The following AFF3 variants were observed in gnomAD, a reference collection of about 807,000 sequenced individuals.
AFF3 encodes ALF transcription elongation factor 3.
AFF3 carries 32 observed loss-of-function variants against 129.7 expected under a neutral mutation model. The ratio of observed to expected loss-of-function variants is 0.25; its 90% CI spans 0.19 to 0.33. The LOEUF is 0.33. Among genes scored for constraint, AFF3 ranks in the 10% least tolerant of loss-of-function variants. The probability of loss-of-function intolerance (pLI) is 1.00; values close to 1 mark genes in which losing one functional copy is unlikely to be tolerated. For missense variants in AFF3, 1,373 were observed against 1,592.0 expected (o/e 0.86, Z 2.34); for synonymous variants, 644 against 635.4 (o/e 1.01, Z -0.20).
chr2:99,727,175 C>G (rs1236420766), intron 10 of AFF3, 47 bp from the exon 11 acceptor site: 2 of 1,519,784 alleles, frequency 1.3e-6, no homozygotes, highest in Admixed American at 3.8e-5. Context: ...GTCTTACAGT[C>G]TTTAAGATTT....
chr2:99,668,896 A>G (rs1282599486), intron 12 of AFF3, among the ~76,000 whole-genome samples: 1 of 152,164 alleles, frequency 6.6e-6, no homozygotes, highest in Non-Finnish European at 1.5e-5. Context: ...TCTTTTTGAG[A>G]AAAGGGCAGG....
chr2:99,810,095 C>G (rs965428474), intron 8 of AFF3, among the ~76,000 whole-genome samples: 1 of 152,204 alleles, frequency 6.6e-6, no homozygotes, highest in African/African-American at 2.4e-5. Context: ...TCAGGAATTT[C>G]AAAGTCTTCC....
intron 7 of AFF3, among the ~76,000 whole-genome samples, chr2:99,947,847 C>A (rs776984470): frequency 1.3e-5 from 2 of 151,984 alleles, no homozygotes. Context: ...AAGCATGGCA[C>A]GGGGGCCATG....
chr2:99,826,551 G>T (rs988705266), intron 8 of AFF3, among the ~76,000 whole-genome samples: 1 of 152,122 alleles, frequency 6.6e-6, no homozygotes, highest in South Asian at 2.1e-4. Context: ...TGCAGGAGTC[G>T]GTCAGCTAAA....
At chr2:99,712,922 C>T (rs183915597) in intron 11 of AFF3, among the ~76,000 whole-genome samples, 37 of 152,350 alleles carry the variant, frequency 2.4e-4, no homozygotes, top group Admixed American at 8.5e-4. Context: ...GAAGAAAATT[C>T]TGACACATGC....
intron 10 of AFF3, among the ~76,000 whole-genome samples, chr2:99,742,110 C>G (rs1188207674): frequency 6.6e-6 from 1 of 152,098 alleles, no homozygotes; most frequent in Non-Finnish European, 1.5e-5. Context: ...AATCTCAGCA[C>G]TTTTGGAGGC....
At chr2:99,809,320 G>C (rs1308289427) in intron 8 of AFF3, among the ~76,000 whole-genome samples, 1 of 152,224 alleles carries the variant, frequency 6.6e-6, no homozygotes, top group African/African-American at 2.4e-5. Flanking sequence ...CCAGCTCTCA[G>C]GGTCTACGGG....
chr2:99,993,109 G>A (rs1330815221), intron 7 of AFF3, among the ~76,000 whole-genome samples: 1 of 152,222 alleles, frequency 6.6e-6, no homozygotes, highest in Non-Finnish European at 1.5e-5. Flanking sequence ...GGAGTCCAAT[G>A]TCACAGAGCA....
intron 18 of AFF3, chr2:99,572,686 G>C (rs1474249923): frequency 2.2e-6 from 1 of 455,744 alleles, no homozygotes; most frequent in East Asian, 6.9e-5. Flanking sequence ...CTTGTCATCT[G>C]ATAAGCCCCA....
At chr2:100,016,416 G>A (rs1267283477) in intron 4 of AFF3, among the ~76,000 whole-genome samples, 7 of 121,564 alleles carry the variant, frequency 5.8e-5, no homozygotes, top group Non-Finnish European at 7.5e-5. Context: ...TGGTCATGGT[G>A]GTAGTGGTGG....
At chr2:99,619,440 A>G (rs768868686) in intron 13 of AFF3, among the ~76,000 whole-genome samples, 34 of 152,330 alleles carry the variant, frequency 2.2e-4, no homozygotes, top group Middle Eastern at 3.4e-3. Flanking sequence ...CACTCAGGGC[A>G]AATGTGTAAA....
At chr2:100,034,571 C>G (rs1440472302) in intron 4 of AFF3, among the ~76,000 whole-genome samples, 1 of 151,772 alleles carries the variant, frequency 6.6e-6, no homozygotes, top group African/African-American at 2.4e-5. Context: ...GCTTTCTAGA[C>G]AGATGATAAT....
intron 13 of AFF3, among the ~76,000 whole-genome samples, chr2:99,606,720 C>T (rs1680379388): frequency 6.6e-6 from 1 of 151,762 alleles, no homozygotes; most frequent in Non-Finnish European, 1.5e-5. Context: ...CAAGACCATC[C>T]TGGCTAACAT....
intron 8 of AFF3, among the ~76,000 whole-genome samples, chr2:99,780,081 C>T (rs1684270239): frequency 6.6e-6 from 1 of 152,196 alleles, no homozygotes; most frequent in Non-Finnish European, 1.5e-5. Context: ...ATGGGTTGTT[C>T]TGATCACTGT....
At chr2:99,567,194 G>C (rs573306449) in intron 19 of AFF3, among the ~76,000 whole-genome samples, 9 of 149,214 alleles carry the variant, frequency 6.0e-5, no homozygotes, top group Non-Finnish European at 1.2e-4. Flanking sequence ...TGGCCAGGCT[G>C]GTCTCGAACT....
rs567549216 is a variant in AFF3, at chr2:99,665,430, A to G, written c.1143+7108T>C. Among the ~76,000 whole-genome samples the G allele has an allele frequency of 5.9e-5, 9 of 152,366 alleles. No homozygotes were observed. The South Asian group carries it at 1.9e-3, about 32-fold the overall frequency. On this transcript the variant is annotated intron_variant, in intron 12 of 24. Transcript: ENST00000672756. The stretch of plus-strand genomic sequence containing the variant: ...CTGAGTGAGGAACAGGGAATCATCA[A>G]GGATGAGTCTGAAGTTTCTAGGCTG...
intron 4 of AFF3, among the ~76,000 whole-genome samples, chr2:100,085,871 T>C (rs1351230277): frequency 6.6e-6 from 1 of 151,274 alleles, no homozygotes; most frequent in Non-Finnish European, 1.5e-5. Context: ...TGGTGTGTTA[T>C]GCATAGAAGG....
chr2:99,949,988 C>A (rs73964375), intron 7 of AFF3, among the ~76,000 whole-genome samples: 11,124 of 152,206 alleles, frequency 0.073, 1,102 homozygotes, highest in African/African-American at 0.23. Flanking sequence ...CATCATCACA[C>A]AATAACCATG....
At chr2:100,117,606 G>A (rs1395438213) in intron 2 of AFF3, among the ~76,000 whole-genome samples, 1 of 152,182 alleles carries the variant, frequency 6.6e-6, no homozygotes, top group Admixed American at 6.5e-5. Flanking sequence ...GCGCATAGGT[G>A]TCTATTTCTC....
Sources: allele counts gnomAD v4.1 joint callset (sites outside exome capture counted in the v4.1 genomes callset), GRCh38; gene constraint gnomAD v4.1.1; transcripts MANE v1.5; gene names NCBI Gene and HGNC (gene_info 2026-07-23, HGNC 2026-07-21).